The following JAKMIP2 variants were observed in gnomAD, a reference collection of about 807,000 sequenced individuals.
JAKMIP2 encodes janus kinase and microtubule interacting protein 2.
JAKMIP2 carries 25 observed loss-of-function variants against 115.0 expected under a neutral mutation model. That is an observed-to-expected ratio of 0.22 (90% CI 0.16 to 0.30). The LOEUF (loss-of-function observed/expected upper bound fraction) is 0.30, where lower values mean the gene tolerates loss of function less well. Among genes scored for constraint, JAKMIP2 ranks in the 10% least tolerant of loss-of-function variants. The pLI, the probability that JAKMIP2 is intolerant of heterozygous loss-of-function variation, is 1.00. For missense variants in JAKMIP2, 642 were observed against 957.6 expected, an observed-to-expected ratio of 0.67 and a Z score of 4.35; for synonymous variants, 334 against 343.6, an observed-to-expected ratio of 0.97 and a Z score of 0.31.
At chr5:147,767,932 T>C (rs1211587178) in intron 1 of JAKMIP2, among the ~76,000 whole-genome samples, 1 of 152,180 alleles carries the variant, frequency 6.6e-6, no homozygotes, top group Non-Finnish European at 1.5e-5. Flanking sequence ...AGTGATCTGT[T>C]TGTGTTGTTT....
intron 1 of JAKMIP2, among the ~76,000 whole-genome samples, chr5:147,755,084 T>C (rs953033867): frequency 6.6e-6 from 1 of 152,218 alleles, no homozygotes; most frequent in Middle Eastern, 3.4e-3. Flanking sequence ...GGGATGCTTG[T>C]AAGAATCAGA....
intron 1 of JAKMIP2, among the ~76,000 whole-genome samples, chr5:147,753,942 C>CT (rs1312819352): frequency 6.6e-6 from 1 of 151,778 alleles, no homozygotes; most frequent in Admixed American, 6.6e-5. Flanking sequence ...ATCATATTGT[C>CT]TGAGTGGCTA....
intron 1 of JAKMIP2, among the ~76,000 whole-genome samples, chr5:147,716,103 T>A (rs1448401720): frequency 6.8e-6 from 1 of 147,524 alleles, no homozygotes; most frequent in Non-Finnish European, 1.5e-5. Context: ...TGTTTGGTTT[T>A]TTGTTCTTGT....
chr5:147,781,192 G>T (rs758067392), intron 1 of JAKMIP2, among the ~76,000 whole-genome samples: 12 of 152,130 alleles, frequency 7.9e-5, no homozygotes, highest in Non-Finnish European at 1.8e-4. Flanking sequence ...TTTGGAAACG[G>T]CTGGGCTAGG....
chr5:147,768,053 G>A (rs906875647), intron 1 of JAKMIP2, among the ~76,000 whole-genome samples: 1 of 151,940 alleles, frequency 6.6e-6, no homozygotes, highest in Non-Finnish European at 1.5e-5. Context: ...GGCAAGACAG[G>A]TTACAAAACC....
intron 1 of JAKMIP2, among the ~76,000 whole-genome samples, chr5:147,736,747 C>T (rs1753939481): frequency 6.6e-6 from 1 of 152,080 alleles, no homozygotes; most frequent in Non-Finnish European, 1.5e-5. Context: ...TGTTTCAATA[C>T]TGAAGATATT....
At chr5:147,675,717 T>A (rs1759906350) in intron 1 of JAKMIP2, among the ~76,000 whole-genome samples, 1 of 152,028 alleles carries the variant, frequency 6.6e-6, no homozygotes, top group Non-Finnish European at 1.5e-5. Context: ...TAGTGTTTTG[T>A]CTCTACTTAG....
At chr5:147,623,433 G>A (rs1205416494) in intron 17 of JAKMIP2, among the ~76,000 whole-genome samples, 188 bp downstream of exon 17, 1 of 151,948 alleles carries the variant, frequency 6.6e-6, no homozygotes, top group South Asian at 2.1e-4. Context: ...ACATTTTTTG[G>A]GGGGAGAATA....
intron 1 of JAKMIP2, among the ~76,000 whole-genome samples, chr5:147,712,748 C>T (rs892963957): frequency 6.6e-6 from 1 of 152,136 alleles, no homozygotes; most frequent in Non-Finnish European, 1.5e-5. Context: ...ACCCAGCACC[C>T]ACCCCTTCCA....
At chr5:147,709,659 G>A (rs780208829) in intron 1 of JAKMIP2, among the ~76,000 whole-genome samples, 1 of 151,988 alleles carries the variant, frequency 6.6e-6, no homozygotes, top group Non-Finnish European at 1.5e-5. Context: ...GACCAGCTTG[G>A]CCAAGATGGT....
Position 147,623,697 on chromosome 5 carries a change from G to T in JAKMIP2, c.1996-8C>A. 2 of 1,602,892 alleles carry T rather than the reference G, an allele frequency of 1.2e-6. No homozygotes were observed. The highest frequency in any genetic ancestry group is 1.1e-5 in the South Asian group (1 of 90,846). On this transcript the variant is annotated splice_region_variant and splice_polypyrimidine_tract_variant and intron_variant, in intron 16 of 21. Transcript: ENST00000616793. ...TTCAATCTGCTGGATCCACTAAGGG[G>T]TTAACAAGACAAAAGTGTTTGACAT...
chr5:147,660,158 A>T (rs1361804600), intron 3 of JAKMIP2, among the ~76,000 whole-genome samples: 2 of 152,338 alleles, frequency 1.3e-5, no homozygotes, highest in East Asian at 3.9e-4. Context: ...GTCTAAAATA[A>T]TTAAACAAGG....
At chr5:147,648,993 T>G (rs1758265691) in intron 4 of JAKMIP2, among the ~76,000 whole-genome samples, 1 of 152,182 alleles carries the variant, frequency 6.6e-6, no homozygotes, top group South Asian at 2.1e-4. Flanking sequence ...ATTACCTTCA[T>G]GTATAAAGGT....
intron 14 of JAKMIP2, among the ~76,000 whole-genome samples, chr5:147,631,004 C>T (rs945340644): frequency 2.0e-4 from 30 of 152,304 alleles, no homozygotes; most frequent in African/African-American, 7.2e-4. Context: ...TTTTCTAACT[C>T]TGCAATTCCA....
intron 1 of JAKMIP2, among the ~76,000 whole-genome samples, chr5:147,698,190 T>C (rs1752181885): frequency 6.6e-6 from 1 of 152,246 alleles, no homozygotes; most frequent in African/African-American, 2.4e-5. Context: ...TATTGGATTT[T>C]GGACTTGCAT....
At chr5:147,661,751 C>T (rs1758990009) in intron 2 of JAKMIP2, 1 of 300,118 alleles carries the variant, frequency 3.3e-6, no homozygotes, top group East Asian at 7.2e-5. Context: ...ATGTTAGAAG[C>T]ACAGAATCCC....
At chr5:147,667,740 C>T (rs1291856694) in intron 2 of JAKMIP2, among the ~76,000 whole-genome samples, 1 of 152,182 alleles carries the variant, frequency 6.6e-6, no homozygotes, top group Non-Finnish European at 1.5e-5. Flanking sequence ...TTCTTGTTTT[C>T]AGCTACTTAT....
In JAKMIP2 at chr5:147,612,301, C is replaced by T. The variant is rs376797518; in HGVS notation, c.2412+5G>A. On this transcript the variant is annotated splice_donor_5th_base_variant and intron_variant, in intron 20 of 21. Transcript: ENST00000616793. ...AATAAGATAGTTATTGAATTTGACA[C>T]CTACCTTTTCTTCTAAGTCTTTTAT... The T allele has an allele frequency of 2.2e-5, 33 of 1,508,308 alleles. No individual in the cohort carries two copies. Among genetic ancestry groups the T allele is most frequent in the Non-Finnish European group, 3.7e-6 (4 of 1,088,898 alleles). 93.4% of individuals were successfully genotyped at this position (1,508,308 alleles called of 1,614,324 possible). A position where few individuals can be genotyped will look rare whatever the true frequency, so the allele number is the denominator to read the frequency against.
intron 1 of JAKMIP2, among the ~76,000 whole-genome samples, chr5:147,772,551 T>C (rs1328649318): frequency 6.6e-6 from 1 of 151,990 alleles, no homozygotes; most frequent in Non-Finnish European, 1.5e-5. Flanking sequence ...TTCTTTTTTT[T>C]TTTTCCTAAG....
Sources: allele counts gnomAD v4.1 joint callset (sites outside exome capture counted in the v4.1 genomes callset), GRCh38; gene constraint gnomAD v4.1.1; transcripts MANE v1.5; gene names NCBI Gene and HGNC (gene_info 2026-07-23, HGNC 2026-07-21).